Variants in RGS20 observed in about 807,000 individuals in gnomAD.
The protein encoded by RGS20 is gz-selective GTPase-activating protein.
In RGS20, 30 loss-of-function variants were observed where a neutral mutation model predicts 33.6. The observed-to-expected ratio is 0.89, with a 90% CI of 0.67 to 1.21. RGS20 has a LOEUF of 1.21. RGS20 is among the 50% of genes most tolerant of loss of function. The pLI, the probability that RGS20 is intolerant of heterozygous loss-of-function variation, is 0.00. For synonymous variants in RGS20, 208 were observed against 197.9 expected (o/e 1.05, Z -0.43); for missense variants, 472 against 502.4 (o/e 0.94, Z 0.58).
chr8:53,865,382 G>C (rs1485826155), intron 1 of RGS20, among the ~76,000 whole-genome samples: 1 of 152,176 alleles, frequency 6.6e-6, no homozygotes, highest in Non-Finnish European at 1.5e-5. Context: ...AATTGAGAAA[G>C]AGATGAGATG....
At chr8:53,884,787 C>G (rs1173565844) in intron 2 of RGS20, among the ~76,000 whole-genome samples, 1 of 152,148 alleles carries the variant, frequency 6.6e-6, no homozygotes, top group African/African-American at 2.4e-5. Flanking sequence ...CAAGAAGGAC[C>G]AGGCAGTCAT....
chr8:53,851,982 T>C lies in RGS20; in HGVS notation c.83T>C (p.Leu28Pro). Residue 28 changes from leucine (L) to proline (P), a missense_variant, in exon 1 of 6, where the codon CTG (leucine) becomes CCG (proline). This residue lies in a region of RGS20 where 28 missense variants were observed against 49.6 expected (regional missense o/e 0.57). Transcript: ENST00000297313. ...TCTATATGGACACAGTTTCTGCCCCTGTTCAGGGCTCAGAGATATAATACA... is the reference window on the plus strand; with the variant it reads ...TCTATATGGACACAGTTTCTGCCCCCGTTCAGGGCTCAGAGATATAATACA... 6.2e-7 allele frequency: 1 copy of C among 1,614,204 alleles called. No homozygotes were observed. The highest frequency in any genetic ancestry group is 8.5e-7 in the Non-Finnish European group (1 of 1,180,006).
rs545395063 is a variant in RGS20, at chr8:53,957,944, C to T, written c.979-326C>T. Among the ~76,000 whole-genome samples the T allele has an allele frequency of 6.6e-5, 10 of 152,104 alleles. No homozygotes were observed. In the South Asian group the frequency reaches 8.3e-4, roughly 13 times the overall value. The stretch of plus-strand genomic sequence containing the variant: ...GGCGGATAACCTGAGGTCAGGAGTT[C>T]GAAACCAACCAACACGGAGAAACCC... On this transcript the variant is annotated intron_variant, in intron 5 of 5. Transcript: ENST00000297313.
intron 2 of RGS20, among the ~76,000 whole-genome samples, chr8:53,930,429 G>A (rs1409731971): frequency 1.3e-5 from 2 of 152,178 alleles, no homozygotes; most frequent in Admixed American, 6.5e-5. Flanking sequence ...GATATTTCAT[G>A]GACTGATTGG....
At chr8:53,864,968 C>G (rs1364549855) in intron 1 of RGS20, among the ~76,000 whole-genome samples, 1 of 152,182 alleles carries the variant, frequency 6.6e-6, no homozygotes, top group African/African-American at 2.4e-5. Flanking sequence ...TCGCGTCCAA[C>G]TCAAAGAAAT....
At chr8:53,899,482 T>C (rs1010727867) in intron 2 of RGS20, among the ~76,000 whole-genome samples, 1 of 152,200 alleles carries the variant, frequency 6.6e-6, no homozygotes, top group African/African-American at 2.4e-5. Flanking sequence ...CATCCATTCA[T>C]AGAGATGTGT....
intron 2 of RGS20, among the ~76,000 whole-genome samples, chr8:53,923,920 G>A (rs561229289): frequency 1.1e-4 from 17 of 151,878 alleles, no homozygotes; most frequent in East Asian, 5.8e-4. Context: ...TTTGAGCATC[G>A]CAACTTTTAT....
chr8:53,958,486 A>T lies in RGS20; in HGVS notation c.*28A>T. ...TTTTTCAAATATATTTATTATTAAT[A>T]AAATAATAAAAGAATTCATGGGCTA... On this transcript the variant is annotated 3_prime_UTR_variant, in exon 6 of 6. Transcript: ENST00000297313. 3.3e-6 allele frequency: 4 copies of T among 1,226,380 alleles called. No homozygotes were observed. The highest frequency in any genetic ancestry group is 4.3e-6 in the Non-Finnish European group (4 of 935,908). The allele number at this position is 1,226,380 out of a possible 1,614,324, so 76.0% of individuals were successfully genotyped here.
At position 53,879,510 on chromosome 8, in the gene RGS20, C is replaced by T. The variant is rs1812295179; in HGVS notation, c.418C>T (p.Arg140Ter). 2 of 1,547,122 alleles carry T rather than the reference C, an allele frequency of 1.3e-6. No individual in the cohort carries two copies. Among genetic ancestry groups the T allele is most frequent in the Non-Finnish European group, 1.7e-6 (2 of 1,148,330 alleles). The change falls in exon 2 of 6, where the codon CGA becomes TGA. Residue 140 changes from arginine (R) to a stop codon, truncating the protein, a stop_gained. Transcript: ENST00000297313. LOFTEE classifies it high-confidence loss of function. ...CGGGGCGGCGCTGGCACTGCCCGGC[C>T]GACCCTCGGGGGGTCGTCCGCTGAG... is the stretch of plus-strand genomic sequence containing the variant.
intron 2 of RGS20, among the ~76,000 whole-genome samples, chr8:53,916,228 C>T (rs1283207698): frequency 6.6e-6 from 1 of 152,052 alleles, no homozygotes; most frequent in Non-Finnish European, 1.5e-5. Flanking sequence ...CACTGTGTTG[C>T]CCAGGGTGGT....
At chr8:53,890,897 C>T (rs973790677) in intron 2 of RGS20, among the ~76,000 whole-genome samples, 1 of 152,172 alleles carries the variant, frequency 6.6e-6, no homozygotes, top group Non-Finnish European at 1.5e-5. Flanking sequence ...TTTCTTGTTC[C>T]TTGGGAATTT....
chr8:53,855,359 C>G (rs1401114501), intron 1 of RGS20, among the ~76,000 whole-genome samples: 1 of 152,104 alleles, frequency 6.6e-6, no homozygotes, highest in African/African-American at 2.4e-5. Flanking sequence ...GTCACCATGC[C>G]CAGCCTATAT....
chr8:53,938,630 G>A (rs1240998547), intron 2 of RGS20, among the ~76,000 whole-genome samples: 1 of 152,200 alleles, frequency 6.6e-6, no homozygotes, highest in Non-Finnish European at 1.5e-5. Flanking sequence ...CAAATCTAAT[G>A]TTGAAATAGA....
At chr8:53,864,121 A>T (rs1313141907) in intron 1 of RGS20, among the ~76,000 whole-genome samples, 3 of 152,058 alleles carry the variant, frequency 2.0e-5, no homozygotes, top group Non-Finnish European at 4.4e-5. Context: ...GTAAACTATA[A>T]AGACATGGGC....
intron 2 of RGS20, among the ~76,000 whole-genome samples, chr8:53,891,720 T>C (rs1205896957): frequency 6.6e-6 from 1 of 152,224 alleles, no homozygotes; most frequent in African/African-American, 2.4e-5. Context: ...GTTTCCAATG[T>C]AATTCAGAAA....
intron 1 of RGS20, chr8:53,852,096 C>T (rs28369296): frequency 0.027 from 42,336 of 1,563,372 alleles, 646 homozygotes; most frequent in Non-Finnish European, 0.032. Flanking sequence ...ATGATCCTTT[C>T]CCGTCAAGGG....
chr8:53,917,989 T>A (rs959396341), intron 2 of RGS20, among the ~76,000 whole-genome samples: 41 of 152,216 alleles, frequency 2.7e-4, no homozygotes, highest in African/African-American at 9.9e-4. Context: ...ATACAACATG[T>A]GGACTTCGGG....
chr8:53,855,697 T>C (rs1811655694), intron 1 of RGS20, among the ~76,000 whole-genome samples: 1 of 152,230 alleles, frequency 6.6e-6, no homozygotes, highest in Non-Finnish European at 1.5e-5. Context: ...GGGTGATCAG[T>C]ACACGGGACC....
rs750860185 is a variant in RGS20 at position 53,880,979 on chromosome 8, T to C, written c.510+1377T>C. On this transcript the variant is annotated intron_variant, in intron 2 of 5. Transcript: ENST00000297313. The stretch of plus-strand genomic sequence containing the variant: ...ATCGCCGACGTAGAGAGGGCAGCCC[T>C]CCGCGCTGCAATATTGAGAAGGCAC... The C allele has an allele frequency of 3.8e-6, 6 of 1,588,098 alleles. No individual in the cohort carries two copies. The African/African-American group carries it at 6.7e-5, about 18-fold the overall frequency.
Sources: gnomAD v4.1 joint callset for allele counts (sites outside exome capture counted in the v4.1 genomes callset) on GRCh38, gnomAD v4.1.1 for gene constraint, gnomAD v4.1.1 regional missense constraint, MANE v1.5 for transcripts, NCBI Gene and HGNC (gene_info 2026-07-23, HGNC 2026-07-21) for gene names.